The following WIPF2 variants were observed in gnomAD, a reference collection of about 807,000 sequenced individuals.
WIPF2 encodes WAS/WASL-interacting protein family member 2.
Under a neutral mutation model 38.8 loss-of-function variants are expected in WIPF2, and 23 were observed. That is an observed-to-expected ratio of 0.59 (90% CI 0.43 to 0.84). The LOEUF is 0.84. Among genes scored for constraint, WIPF2 ranks in the 40% least tolerant of loss-of-function variants. The probability of loss-of-function intolerance (pLI) is 0.00; values close to 1 mark genes in which losing one functional copy is unlikely to be tolerated. For synonymous variants in WIPF2, 210 were observed against 223.2 expected, an observed-to-expected ratio of 0.94 and a Z score of 0.53; for missense variants, 574 against 580.5, an observed-to-expected ratio of 0.99 and a Z score of 0.11.
chr17:40,262,593 C>A lies in WIPF2; in HGVS notation c.265C>A (p.Gln89Lys), dbSNP rs1217435860. Residue 89 changes from glutamine to lysine, a missense_variant, in exon 4 of 8, where the codon CAA becomes AAA. Gln to Lys is a moderately conservative substitution (Grantham distance 53). Coordinates refer to ENST00000323571, the MANE Select transcript of WIPF2 (RefSeq NM_133264.5). ...AALQPKGGLF[Q>K]GGVLKLRPVG... Reference sequence around the variant, plus strand: ...CCTGCAGCCCAAGGGAGGTCTCTTCCAAGGAGGAGTGCTGAAGCTTCGACC... The same window carrying A: ...CCTGCAGCCCAAGGGAGGTCTCTTCAAAGGAGGAGTGCTGAAGCTTCGACC... 6.2e-7 allele frequency: 1 copy of A among 1,613,976 alleles called. No homozygotes were observed. Among genetic ancestry groups the A allele is most frequent in the South Asian group, 1.1e-5 (1 of 91,062 alleles).
At chr17:40,230,331 C>T (rs1179776352) in intron 1 of WIPF2, among the ~76,000 whole-genome samples, 2 of 151,982 alleles carry the variant, frequency 1.3e-5, no homozygotes, top group African/African-American at 4.8e-5. Context: ...CAGAGTGAGA[C>T]CCTGTTTCAA....
At chr17:40,259,427 ACT>A (rs1003410617) in intron 2 of WIPF2, among the ~76,000 whole-genome samples, 1 of 149,916 alleles carries the variant, frequency 6.7e-6, no homozygotes, top group African/African-American at 2.5e-5. Context: ...AGAATCTAAG[ACT>A]CTGTCTTAAA....
intron 1 of WIPF2, among the ~76,000 whole-genome samples, chr17:40,223,906 T>C (rs374724769): frequency 6.6e-6 from 1 of 151,888 alleles, no homozygotes; most frequent in African/African-American, 2.4e-5. Context: ...TTAAATGTTC[T>C]TTCTTTACTT....
chr17:40,249,226 C>T (rs2031474698), intron 1 of WIPF2, among the ~76,000 whole-genome samples: 1 of 151,760 alleles, frequency 6.6e-6, no homozygotes. Flanking sequence ...GAATAAAGGC[C>T]CCAGATTGTA....
chr17:40,270,352 C>T lies in WIPF2; in HGVS notation c.971-3438C>T, dbSNP rs895299962. Reference sequence around the variant, plus strand: ...CTGTACTCAAGCCTGGGGGACAGAGCGAGACTCCGTCTCAAAAAAAAAAAA... The same window carrying T: ...CTGTACTCAAGCCTGGGGGACAGAGTGAGACTCCGTCTCAAAAAAAAAAAA... On this transcript the variant is annotated intron_variant, in intron 5 of 7. Coordinates refer to ENST00000323571, the MANE Select transcript of WIPF2 (RefSeq NM_133264.5). Among the ~76,000 whole-genome samples, 5 of 138,590 alleles carry T rather than the reference C, an allele frequency of 3.6e-5. No homozygotes were observed. In the East Asian group the frequency reaches 6.5e-4, roughly 18 times the overall value. The allele number at this position is 138,590 out of a possible 152,430, so 90.9% of individuals were successfully genotyped here.
At position 40,264,706 on chromosome 17, in the gene WIPF2, C is replaced by G; in HGVS notation, c.530C>G (p.Pro177Arg). The G allele has an allele frequency of 1.2e-6, 2 of 1,612,638 alleles. No homozygotes were observed. The highest frequency in any genetic ancestry group is 1.7e-6 in the Non-Finnish European group (2 of 1,179,282). Reference protein sequence around the residue: ...STGMKHSSSAPPPPPPGRRAN... With the variant: ...STGMKHSSSARPPPPPGRRAN... Reference sequence around the variant, plus strand: ...GGCATGAAGCACAGCTCCTCTGCCCCTCCCCCACCACCCCCAGGGCGGCGT... The same window carrying G: ...GGCATGAAGCACAGCTCCTCTGCCCGTCCCCCACCACCCCCAGGGCGGCGT... Residue 177 changes from proline to arginine, a missense_variant, in exon 5 of 8, where the codon CCT becomes CGT. By Grantham distance (103) the Pro-to-Arg change is moderately radical. Transcript: ENST00000323571.
rs942871195 is a variant in WIPF2 at position 40,273,645 on chromosome 17, T to A, written c.971-145T>A. ...ATGTTGGTATCTGGAAGAATGGTGA[T>A]GCTGTTCAAGTAATAAGGACAAAGG... On this transcript the variant is annotated intron_variant, in intron 5 of 7. Coordinates refer to ENST00000323571, the MANE Select transcript of WIPF2 (RefSeq NM_133264.5). 12 of 588,954 alleles carry A rather than the reference T, an allele frequency of 2.0e-5. No homozygotes were observed. In the African/African-American group the frequency reaches 2.1e-4, roughly 10 times the overall value. The allele number at this position is 588,954 out of a possible 1,614,324, so 36.5% of individuals were successfully genotyped here. A position where few individuals can be genotyped will look rare whatever the true frequency, so the allele number is the denominator to read the frequency against.
At position 40,262,636 on chromosome 17, in the gene WIPF2, G is replaced by T. The variant is rs1470459093; in HGVS notation, c.308G>T (p.Gly103Val). 11 of 1,613,304 alleles carry T rather than the reference G, an allele frequency of 6.8e-6. No homozygotes were observed. Among genetic ancestry groups the T allele is most frequent in the Non-Finnish European group, 9.3e-6 (11 of 1,179,374 alleles). The change falls in exon 4 of 8, where the codon GGT (glycine) becomes GTT (valine). Residue 103 changes from glycine to valine, a missense_variant. Transcript: ENST00000323571. ...LKLRPVGAKD[G>V]SENLAGKPAL... ...CTTCGACCTGTGGGAGCCAAGGATG[G>T]TTCAGGTATCTGATGAGTACTTTCC...
intron 1 of WIPF2, among the ~76,000 whole-genome samples, chr17:40,233,353 A>G (rs1006479041): frequency 3.9e-5 from 6 of 152,184 alleles, no homozygotes; most frequent in Admixed American, 6.6e-5. Context: ...ATAAAGAATC[A>G]GACAGTACTA....
At chr17:40,270,472 A>G (rs1022399873) in intron 5 of WIPF2, among the ~76,000 whole-genome samples, 1 of 152,048 alleles carries the variant, frequency 6.6e-6, no homozygotes, top group Non-Finnish European at 1.5e-5. Flanking sequence ...GGAGAAGCCA[A>G]ACAGATCACT....
chr17:40,240,606 T>A (rs1388869894), intron 1 of WIPF2, among the ~76,000 whole-genome samples: 2 of 151,950 alleles, frequency 1.3e-5, no homozygotes, highest in African/African-American at 4.8e-5. Context: ...CTCTGCTGTC[T>A]CCTTTCCCAG....
chr17:40,244,201 C>G (rs1270896464), intron 1 of WIPF2, among the ~76,000 whole-genome samples: 2 of 152,166 alleles, frequency 1.3e-5, no homozygotes, highest in African/African-American at 4.8e-5. Context: ...CTGTTATAGT[C>G]TGTCCTAGAA....
chr17:40,237,635 T>TACAA (rs1434291363), intron 1 of WIPF2, among the ~76,000 whole-genome samples: 1 of 151,720 alleles, frequency 6.6e-6, no homozygotes, highest in Non-Finnish European at 1.5e-5. Flanking sequence ...TCAGTTTGTT[T>TACAA]AATTTCCAAG....
intron 1 of WIPF2, among the ~76,000 whole-genome samples, chr17:40,252,243 T>C (rs1285389379): frequency 6.6e-6 from 1 of 152,208 alleles, no homozygotes; most frequent in Non-Finnish European, 1.5e-5. Context: ...TTTTAGGTCA[T>C]TATTCACCTT....
intron 3 of WIPF2, chr17:40,260,901 C>T: frequency 1.9e-6 from 1 of 539,084 alleles, no homozygotes; most frequent in Non-Finnish European, 3.3e-6. Flanking sequence ...GCCTGTAAGC[C>T]CAGCACTTTG....
At chr17:40,273,712 T>A in intron 5 of WIPF2, 78 bp from the exon 6 acceptor site, 1 of 910,214 alleles carries the variant, frequency 1.1e-6, no homozygotes, top group Non-Finnish European at 1.8e-6. Flanking sequence ...TGTTACTCTT[T>A]TAGCTCATGT....
chr17:40,241,258 A>T (rs187861819), intron 1 of WIPF2, among the ~76,000 whole-genome samples: 2 of 152,288 alleles, frequency 1.3e-5, no homozygotes, highest in Admixed American at 1.3e-4. Flanking sequence ...ATCTTTTTTT[A>T]AAGTGTGTTT....
At chr17:40,230,162 AC>A (rs762896467) in intron 1 of WIPF2, among the ~76,000 whole-genome samples, 2 of 151,838 alleles carry the variant, frequency 1.3e-5, no homozygotes, top group African/African-American at 4.8e-5. Flanking sequence ...ACATAGGGAG[AC>A]CCCCCAGTCT....
intron 1 of WIPF2, among the ~76,000 whole-genome samples, chr17:40,235,146 C>T (rs1226299301): frequency 2.0e-5 from 3 of 151,946 alleles, no homozygotes; most frequent in Non-Finnish European, 2.9e-5. Context: ...CCGCCCGCCT[C>T]GGCCTCCCAA....
Sources: allele counts gnomAD v4.1 joint callset (sites outside exome capture counted in the v4.1 genomes callset), GRCh38; gene constraint gnomAD v4.1.1; transcripts MANE v1.5; gene names NCBI Gene and HGNC (gene_info 2026-07-23, HGNC 2026-07-21).